The following SNX25 variants were observed in gnomAD, a reference collection of about 807,000 sequenced individuals.
SNX25 encodes the protein sorting nexin-25.
In SNX25, 62 loss-of-function variants were observed where a neutral mutation model predicts 113.7. That is an observed-to-expected ratio of 0.55 (90% CI 0.44 to 0.67). The LOEUF is 0.67. SNX25 is among the 30% of genes least tolerant of loss of function. The pLI, the probability that SNX25 is intolerant of heterozygous loss-of-function variation, is 0.00. For synonymous variants in SNX25, 421 were observed against 436.2 expected (o/e 0.97, Z 0.43); for missense variants, 1,014 against 1,161.0 (o/e 0.87, Z 1.84).
intron 5 of SNX25, among the ~76,000 whole-genome samples, chr4:185,278,800 G>A (rs1750119127): frequency 6.6e-6 from 1 of 152,120 alleles, no homozygotes; most frequent in Non-Finnish European, 1.5e-5. Flanking sequence ...AAACATATAC[G>A]AATGGTGCTA....
chr4:185,317,211 A>AT (rs2095081498), intron 7 of SNX25, among the ~76,000 whole-genome samples: 1 of 152,234 alleles, frequency 6.6e-6, no homozygotes, highest in Non-Finnish European at 1.5e-5. Flanking sequence ...CAACAAACAT[A>AT]TGAAAAAAAA....
chr4:185,314,703 C>G (rs996411638), intron 7 of SNX25, among the ~76,000 whole-genome samples: 1 of 150,076 alleles, frequency 6.7e-6, no homozygotes, highest in East Asian at 2.0e-4. Context: ...ACTAAAAATA[C>G]AAAAATTAGC....
At chr4:185,315,101 G>C (rs544018016) in intron 7 of SNX25, among the ~76,000 whole-genome samples, 1 of 149,202 alleles carries the variant, frequency 6.7e-6, no homozygotes, top group South Asian at 2.1e-4. Context: ...GGTGGTGGGC[G>C]CCTGTAGTCC....
chr4:185,277,205 A>G (rs1749832444), intron 5 of SNX25, among the ~76,000 whole-genome samples: 1 of 152,072 alleles, frequency 6.6e-6, no homozygotes, highest in African/African-American at 2.4e-5. Context: ...TTATATTTTC[A>G]GTAGAAACTG....
chr4:185,360,905 C>T (rs1401966053), intron 16 of SNX25, among the ~76,000 whole-genome samples: 12 of 135,960 alleles, frequency 8.8e-5, no homozygotes, highest in African/African-American at 3.4e-4. Flanking sequence ...GGCAACAGAG[C>T]GAGACTCCGT....
intron 2 of SNX25, among the ~76,000 whole-genome samples, chr4:185,255,678 T>C (rs758728604): frequency 6.6e-6 from 1 of 152,218 alleles, no homozygotes; most frequent in Non-Finnish European, 1.5e-5. Context: ...CTTTTACTCA[T>C]GCAGCTTATC....
At chr4:185,347,436 G>T (rs145846700) in intron 13 of SNX25, among the ~76,000 whole-genome samples, 243 of 151,866 alleles carry the variant, frequency 1.6e-3, no homozygotes, top group Non-Finnish European at 3.0e-3. Flanking sequence ...TGTTTGGGGG[G>T]TTTGGTGTTT....
At chr4:185,319,107 T>TG (rs1180721654) in intron 7 of SNX25, among the ~76,000 whole-genome samples, 2 of 150,148 alleles carry the variant, frequency 1.3e-5, no homozygotes, top group Non-Finnish European at 3.0e-5. Flanking sequence ...TTTATTTTTT[T>TG]TTTTTTAAAG....
At chr4:185,352,510 C>T (rs1393883365) in intron 14 of SNX25, among the ~76,000 whole-genome samples, 5 of 152,166 alleles carry the variant, frequency 3.3e-5, no homozygotes, top group East Asian at 1.9e-4. Context: ...TTCATGTGTC[C>T]GTCTGTACTT....
intron 6 of SNX25, among the ~76,000 whole-genome samples, chr4:185,306,417 C>T (rs1579715473): frequency 1.3e-5 from 2 of 152,338 alleles, no homozygotes; most frequent in African/African-American, 2.4e-5. Flanking sequence ...CACATTTAAG[C>T]GGAGCACCAA....
intron 7 of SNX25, among the ~76,000 whole-genome samples, chr4:185,314,944 C>T (rs2095059792): frequency 6.8e-6 from 1 of 148,146 alleles, no homozygotes; most frequent in African/African-American, 2.5e-5. Flanking sequence ...CTAAAACCTT[C>T]CCGGCTGGGC....
chr4:185,302,900 C>T (rs748468675), intron 6 of SNX25, among the ~76,000 whole-genome samples: 13 of 152,224 alleles, frequency 8.5e-5, no homozygotes, highest in Non-Finnish European at 1.3e-4. Context: ...CTGGCCCCCA[C>T]TCATTCCCTG....
At chr4:185,266,365 G>T (rs1046668482) in intron 4 of SNX25, among the ~76,000 whole-genome samples, 49 of 152,140 alleles carry the variant, frequency 3.2e-4, no homozygotes, top group Middle Eastern at 3.4e-3. Context: ...TAATTTTGTG[G>T]TTTTTTGTTT....
chr4:185,378,381 C>T, the SNX25 span: 12 of 1,394,840 alleles, frequency 8.6e-6, no homozygotes, highest in Non-Finnish European at 1.1e-5. Context: ...ACACCAAGAC[C>T]CTCCTCCCTA....
intron 7 of SNX25, among the ~76,000 whole-genome samples, chr4:185,313,577 T>C (rs764371433): frequency 1.3e-5 from 2 of 152,128 alleles, no homozygotes; most frequent in Non-Finnish European, 2.9e-5. Flanking sequence ...TAAGGAAAAT[T>C]AGGAACTATT....
chr4:185,249,232 A>G (rs1745295459), intron 2 of SNX25, among the ~76,000 whole-genome samples: 1 of 152,190 alleles, frequency 6.6e-6, no homozygotes, highest in Non-Finnish European at 1.5e-5. Flanking sequence ...GTATTCCAAA[A>G]TGATTGTCTC....
intron 2 of SNX25, 60 bp downstream of exon 2, chr4:185,247,438 GAAA>G (rs1745019177): frequency 6.6e-6 from 8 of 1,220,488 alleles, no homozygotes; most frequent in Non-Finnish European, 9.6e-6. Context: ...GTTCTAAGAG[GAAA>G]ATAATAATCT....
downstream of SNX25, among the ~76,000 whole-genome samples, chr4:185,373,736 AAG>A (rs2126795046): frequency 1.3e-5 from 2 of 152,316 alleles, 1 homozygote; most frequent in South Asian, 4.1e-4. Context: ...CCATTGATGA[AAG>A]AGATTATATT....
intron 6 of SNX25, among the ~76,000 whole-genome samples, chr4:185,289,429 A>G (rs571863203): frequency 6.6e-6 from 1 of 152,298 alleles, no homozygotes; most frequent in African/African-American, 2.4e-5. Context: ...GGCTTTGAGC[A>G]GTCATCTGGA....
Sources: allele counts gnomAD v4.1 joint callset (sites outside exome capture counted in the v4.1 genomes callset), GRCh38; gene constraint gnomAD v4.1.1; transcripts MANE v1.5; gene names NCBI Gene and HGNC (gene_info 2026-07-23, HGNC 2026-07-21).